RBFOX1: variants seen among roughly 807,000 people sequenced by gnomAD.
The protein encoded by RBFOX1 is RNA binding protein fox-1 homolog 1.
Under a neutral mutation model 57.7 loss-of-function variants are expected in RBFOX1, and 8 were observed. The observed-to-expected ratio is 0.14, with a 90% confidence interval of 0.08 to 0.25. The LOEUF (loss-of-function observed/expected upper bound fraction) is 0.25. Ranked by LOEUF, RBFOX1 falls within the 10% of genes least tolerant of loss-of-function variation. RBFOX1 has a pLI of 1.00. For missense variants in RBFOX1, 611 were observed against 548.5 expected, an observed-to-expected ratio of 1.11 and a Z score of -1.14; for synonymous variants, 326 against 222.4, an observed-to-expected ratio of 1.47 and a Z score of -4.15.
chr16:7,017,944 G>C (rs534165881), intron 3 of RBFOX1, among the ~76,000 whole-genome samples: 1 of 152,194 alleles, frequency 6.6e-6, no homozygotes, highest in Non-Finnish European at 1.5e-5. Context: ...TGTCGGCGAC[G>C]TGTGAATTAG....
intron 1 of RBFOX1, among the ~76,000 whole-genome samples, chr16:6,290,855 G>C (rs957294134): frequency 1.3e-5 from 2 of 152,110 alleles, no homozygotes; most frequent in African/African-American, 4.8e-5. Context: ...TGGATCTCAG[G>C]CAAGAAAGAA....
chr16:6,768,650 T>A (rs28379893), intron 3 of RBFOX1, among the ~76,000 whole-genome samples: 4 of 151,300 alleles, frequency 2.6e-5, no homozygotes, highest in African/African-American at 9.7e-5. Context: ...ATATATTCAT[T>A]AGTATGCGTA....
intron 14 of RBFOX1, among the ~76,000 whole-genome samples, chr16:7,690,963 T>A (rs2077185636): frequency 6.6e-6 from 1 of 152,168 alleles, no homozygotes; most frequent in African/African-American, 2.4e-5. Context: ...CATTTCCTGT[T>A]AATTGCACTT....
intron 14 of RBFOX1, among the ~76,000 whole-genome samples, chr16:7,685,355 C>G (rs905589357): frequency 1.3e-4 from 20 of 152,128 alleles, no homozygotes; most frequent in African/African-American, 4.8e-4. Flanking sequence ...GACTTCTTCC[C>G]TCTCCTGGCC....
At chr16:6,991,003 C>T (rs997846335) in intron 3 of RBFOX1, among the ~76,000 whole-genome samples, 3 of 151,856 alleles carry the variant, frequency 2.0e-5, no homozygotes, top group Admixed American at 6.6e-5. Flanking sequence ...TTTACTACAT[C>T]ACAGTTGGCT....
rs1338510380 is a variant in RBFOX1, at chr16:6,985,831, G to A, written c.-15-66226G>A. 2.4e-4 allele frequency among the ~76,000 whole-genome samples: 3 copies of A among 12,606 alleles called. No homozygotes were observed. In the African/African-American group the frequency reaches 3.7e-3, roughly 15 times the overall value. The allele number at this position is 12,606 out of a possible 152,430, so 8.3% of individuals were successfully genotyped here. On this transcript the variant is annotated intron_variant, in intron 3 of 15. Transcript: ENST00000550418. The stretch of plus-strand genomic sequence containing the variant: ...CCTGGGCCACAGAGCGTGAGTTCAT[G>A]TAAAAAAAAAAAAAAACAGAATTTT...
At chr16:7,385,227 C>G (rs2097855994) in intron 4 of RBFOX1, among the ~76,000 whole-genome samples, 1 of 152,144 alleles carries the variant, frequency 6.6e-6, no homozygotes, top group African/African-American at 2.4e-5. Flanking sequence ...AAGATGACTG[C>G]TTGCCACGTG....
chr16:5,966,095 C>G (rs17138988), intron 4 of RBFOX1, among the ~76,000 whole-genome samples: 3 of 152,052 alleles, frequency 2.0e-5, no homozygotes, highest in Admixed American at 1.3e-4. Context: ...TTCAGATGTA[C>G]TATATTTTAT....
chr16:7,189,481 G>GACCT (rs1555547846), intron 4 of RBFOX1, among the ~76,000 whole-genome samples: 1 of 140,618 alleles, frequency 7.1e-6, no homozygotes, highest in Non-Finnish European at 1.5e-5. Context: ...CTCATAGGGA[G>GACCT]ACCCACACTG....
At chr16:6,384,859 C>G (rs981106725) in intron 2 of RBFOX1, among the ~76,000 whole-genome samples, 3 of 152,150 alleles carry the variant, frequency 2.0e-5, no homozygotes, top group African/African-American at 4.8e-5. Context: ...GGTTTCTTTT[C>G]TAACTAACGT....
chr16:7,335,142 A>C (rs894252689), intron 4 of RBFOX1, among the ~76,000 whole-genome samples: 1 of 152,198 alleles, frequency 6.6e-6, no homozygotes, highest in African/African-American at 2.4e-5. Flanking sequence ...GGGCAGTGCA[A>C]AGGGAGAAAA....
intron 4 of RBFOX1, among the ~76,000 whole-genome samples, chr16:7,210,682 C>G (rs899288915): frequency 6.6e-6 from 1 of 152,210 alleles, no homozygotes; most frequent in East Asian, 1.9e-4. Flanking sequence ...AAAGTTCTTA[C>G]ATGTGTTTTC....
chr16:6,922,442 GTCTTGCCTCTTCCTGAATTT>G (rs1352428617), intron 3 of RBFOX1, among the ~76,000 whole-genome samples: 1 of 152,184 alleles, frequency 6.6e-6, no homozygotes, highest in African/African-American at 2.4e-5. Flanking sequence ...CTTCCAGGCT[GTCTTGCCTCTTCCTGAATTT>G]GTGGGTGGTT....
chr16:5,462,262 G>A (rs986922202), intron 1 of RBFOX1, among the ~76,000 whole-genome samples: 29 of 148,076 alleles, frequency 2.0e-4, no homozygotes, highest in Admixed American at 2.1e-4. Flanking sequence ...TCCGCCTCCC[G>A]GGTTCACGCC....
intron 2 of RBFOX1, among the ~76,000 whole-genome samples, chr16:5,553,745 G>GTATATACACATATA (rs2045563091): frequency 7.2e-6 from 1 of 139,236 alleles, no homozygotes. Flanking sequence ...ATATATGTGT[G>GTATATACACATATA]TATTTATGTA....
At chr16:5,778,426 G>A (rs2054217118) in intron 3 of RBFOX1, among the ~76,000 whole-genome samples, 1 of 152,110 alleles carries the variant, frequency 6.6e-6, no homozygotes, top group African/African-American at 2.4e-5. Flanking sequence ...AATCTGATGG[G>A]CTTCAGCTCC....
intron 4 of RBFOX1, among the ~76,000 whole-genome samples, chr16:7,293,234 A>G (rs1293534350): frequency 2.6e-5 from 4 of 152,154 alleles, no homozygotes; most frequent in Non-Finnish European, 5.9e-5. Flanking sequence ...TCCCTAAACA[A>G]TGCATTGAAA....
At chr16:6,581,446 T>C (rs1286966879) in intron 2 of RBFOX1, among the ~76,000 whole-genome samples, 1 of 152,216 alleles carries the variant, frequency 6.6e-6, no homozygotes, top group Non-Finnish European at 1.5e-5. Context: ...CCCAGCTGTG[T>C]TGGCTGTTGT....
intron 4 of RBFOX1, among the ~76,000 whole-genome samples, chr16:5,868,632 A>T (rs2057396532): frequency 6.6e-6 from 1 of 152,172 alleles, no homozygotes; most frequent in South Asian, 2.1e-4. Flanking sequence ...AGGAGCTGTG[A>T]TGCATTCATA....
Sources: allele counts gnomAD v4.1 joint callset (sites outside exome capture counted in the v4.1 genomes callset), GRCh38; gene constraint gnomAD v4.1.1; transcripts MANE v1.5; gene names NCBI Gene and HGNC (gene_info 2026-07-23, HGNC 2026-07-21).